PIK3C2G: variants seen among roughly 807,000 people sequenced by gnomAD.
The protein encoded by PIK3C2G is phosphatidylinositol-4-phosphate 3-kinase catalytic subunit type 2 gamma, also known as phosphatidylinositol 3-kinase C2 domain-containing subunit gamma.
In PIK3C2G, 168 loss-of-function variants were observed where a neutral mutation model predicts 181.1. That is an observed-to-expected ratio of 0.93 (90% CI 0.82 to 1.05). The LOEUF is 1.05. PIK3C2G is among the 50% of genes least tolerant of loss of function. The pLI is 0.00. For missense variants in PIK3C2G, 1,869 were observed against 1,732.8 expected, an observed-to-expected ratio of 1.08 and a Z score of -1.40; for synonymous variants, 573 against 592.2, an observed-to-expected ratio of 0.97 and a Z score of 0.47.
the PIK3C2G span, among the ~76,000 whole-genome samples, chr12:18,667,435 C>G: frequency 6.6e-6 from 1 of 152,086 alleles, no homozygotes; most frequent in African/African-American, 2.4e-5. Flanking sequence ...TCTCCAGAGT[C>G]AATATTATAG....
At chr12:18,360,648 T>C (rs1327939061) in intron 11 of PIK3C2G, among the ~76,000 whole-genome samples, 3 of 152,228 alleles carry the variant, frequency 2.0e-5, no homozygotes, top group Non-Finnish European at 4.4e-5. Context: ...TGGTATTCTT[T>C]AGTGACAGGT....
chr12:18,475,671 T>A (rs777041595), intron 18 of PIK3C2G, among the ~76,000 whole-genome samples: 6 of 151,994 alleles, frequency 3.9e-5, no homozygotes, highest in Non-Finnish European at 8.8e-5. Flanking sequence ...TCTCTTGGAG[T>A]CTTTCAAAAT....
chr12:18,436,135 T>C (rs1481144661), intron 18 of PIK3C2G, among the ~76,000 whole-genome samples: 1 of 152,100 alleles, frequency 6.6e-6, no homozygotes, highest in African/African-American at 2.4e-5. Context: ...TGCTGTGCCA[T>C]CCTCACCATG....
At chr12:18,673,027 C>T in the PIK3C2G span, among the ~76,000 whole-genome samples, 1 of 152,104 alleles carries the variant, frequency 6.6e-6, no homozygotes, top group Non-Finnish European at 1.5e-5. Context: ...CATTAAAATA[C>T]AGAAGTGTTT....
chr12:18,330,180 T>C (rs1937781022), intron 8 of PIK3C2G, among the ~76,000 whole-genome samples: 1 of 152,166 alleles, frequency 6.6e-6, no homozygotes, highest in Admixed American at 6.6e-5. Flanking sequence ...TTAATTTATA[T>C]AAAATAAAAT....
the PIK3C2G span, chr12:18,688,340 T>TGAAAGTG: frequency 1.0e-6 from 1 of 999,660 alleles, no homozygotes; most frequent in Non-Finnish European, 1.4e-6. Flanking sequence ...CCACAAACAT[T>TGAAAGTG]GAAAGTGGAA....
intron 5 of PIK3C2G, among the ~76,000 whole-genome samples, chr12:18,307,402 A>G (rs2137349880): frequency 6.6e-6 from 1 of 151,866 alleles, no homozygotes; most frequent in East Asian, 1.9e-4. Flanking sequence ...TTATTGTATC[A>G]CAGACATTCA....
At chr12:18,602,187 A>AG (rs1402708811) in intron 30 of PIK3C2G, among the ~76,000 whole-genome samples, 2 of 151,938 alleles carry the variant, frequency 1.3e-5, no homozygotes, top group Non-Finnish European at 2.9e-5. Flanking sequence ...AGACTGTTGC[A>AG]GGGGGGCACG....
downstream of PIK3C2G, among the ~76,000 whole-genome samples, chr12:18,651,423 T>A (rs1299766194): frequency 6.6e-6 from 1 of 152,190 alleles, no homozygotes; most frequent in African/African-American, 2.4e-5. Flanking sequence ...TTGAATATTT[T>A]ATATAATTTA....
the PIK3C2G span, chr12:18,713,885 T>C: frequency 6.6e-6 from 1 of 152,226 alleles, no homozygotes; most frequent in Non-Finnish European, 1.5e-5. Context: ...GTTCATTAAA[T>C]CAGTTGTACC....
At chr12:18,394,257 C>CA (rs891575112) in intron 15 of PIK3C2G, among the ~76,000 whole-genome samples, 32 of 152,046 alleles carry the variant, frequency 2.1e-4, no homozygotes, top group Admixed American at 3.3e-4. Flanking sequence ...AAACCAGTCT[C>CA]AAAAAAATTA....
intron 14 of PIK3C2G, among the ~76,000 whole-genome samples, chr12:18,383,987 A>T (rs7301061): frequency 0.053 from 7,207 of 136,830 alleles, 552 homozygotes; most frequent in African/African-American, 0.18. Context: ...TATTATTATT[A>T]TTTTTTTTTT....
intron 8 of PIK3C2G, among the ~76,000 whole-genome samples, chr12:18,327,294 T>C (rs947500333): frequency 6.6e-6 from 1 of 152,094 alleles, no homozygotes; most frequent in Non-Finnish European, 1.5e-5. Flanking sequence ...AATTTTGCGC[T>C]TTCTATTCAT....
chr12:18,330,124 C>T (rs937301433), intron 8 of PIK3C2G, among the ~76,000 whole-genome samples: 105 of 152,040 alleles, frequency 6.9e-4, no homozygotes, highest in African/African-American at 1.3e-3. Flanking sequence ...AGGGGCTTTT[C>T]GCTTTAATTA....
At chr12:18,659,960 G>A in the PIK3C2G span, among the ~76,000 whole-genome samples, 1 of 152,048 alleles carries the variant, frequency 6.6e-6, no homozygotes, top group Non-Finnish European at 1.5e-5. Context: ...GAGAAATAAA[G>A]AACACTGCTA....
rs1940265398 is a variant in PIK3C2G, at chr12:18,488,513, C to A, written c.2569C>A (p.Leu857Ile). 9 of 1,584,950 alleles carry A rather than the reference C, an allele frequency of 5.7e-6. No individual in the cohort carries two copies. Among genetic ancestry groups the A allele is most frequent in the African/African-American group, 1.4e-5 (1 of 73,182 alleles). ...CTGGTATCAGAAGCTACTAGCTGCT[C>A]TCCAATTCTGTGCAGGTAAAGCCTT... ...KSWYQKLLAA[L>I]QFCAGKALND... Residue 857 changes from leucine to isoleucine, a missense_variant, in exon 19 of 33, where the codon CTC becomes ATC. By Grantham distance (5) the Leu-to-Ile change is conservative. Transcript: ENST00000538779.
In PIK3C2G at chr12:18,371,327, G is replaced by T; in HGVS notation, c.1880+16G>T. ...TTCCAAAAGAGTAAGTGTATCAATT[G>T]TGAGTAATAAGCCTATCATTTCAAT... On this transcript the variant is annotated intron_variant, in intron 13 of 32. Transcript: ENST00000538779. The T allele has an allele frequency of 6.3e-7, 1 of 1,594,288 alleles. No homozygotes were observed. The highest frequency in any genetic ancestry group is 8.5e-7 in the Non-Finnish European group (1 of 1,169,914).
chr12:18,318,128 A>G (rs954980253), intron 6 of PIK3C2G, among the ~76,000 whole-genome samples: 4 of 152,240 alleles, frequency 2.6e-5, no homozygotes, highest in Non-Finnish European at 4.4e-5. Context: ...AAAACAGTAT[A>G]TACACTGCAG....
chr12:18,384,105 AGC>A (rs1943020967), intron 14 of PIK3C2G, among the ~76,000 whole-genome samples: 1 of 151,696 alleles, frequency 6.6e-6, no homozygotes, highest in Non-Finnish European at 1.5e-5. Context: ...TACAGGCGTG[AGC>A]CACTGCACCC....
Sources: gnomAD v4.1 joint callset for allele counts (sites outside exome capture counted in the v4.1 genomes callset) on GRCh38, gnomAD v4.1.1 for gene constraint, MANE v1.5 for transcripts, NCBI Gene and HGNC (gene_info 2026-07-23, HGNC 2026-07-21) for gene names.